GNG4: variants seen among roughly 807,000 people sequenced by gnomAD.
GNG4 encodes G protein subunit gamma 4.
A neutral mutation model predicts 5.8 loss-of-function variants in GNG4; 4 were observed. That is an observed-to-expected ratio of 0.69 (90% CI 0.34 to 1.57). The LOEUF is 1.57. Ranked by LOEUF, GNG4 falls within the 40% of genes most tolerant of loss-of-function variation. GNG4 has a pLI of 0.06. For missense variants in GNG4, 96 were observed against 95.1 expected, an observed-to-expected ratio of 1.01 and a Z score of -0.04; for synonymous variants, 29 against 32.9, an observed-to-expected ratio of 0.88 and a Z score of 0.41.
chr1:235,642,491 G>T lies in GNG4; in HGVS notation c.-123+7171C>A, dbSNP rs1657362114. Among the ~76,000 whole-genome samples the T allele has an allele frequency of 6.6e-6, 1 of 152,136 alleles. No individual in the cohort carries two copies. Among genetic ancestry groups the T allele is most frequent in the African/African-American group, 2.4e-5 (1 of 41,424 alleles). On this transcript the variant is annotated intron_variant, in intron 1 of 3. Coordinates refer to ENST00000391854, the MANE Select transcript of GNG4 (RefSeq NM_001098722.2). The surrounding 1 kb of genome is among the most constrained non-coding windows in gnomAD (Gnocchi z 4.3). Reference sequence around the variant, plus strand: ...AATCCGTAAGCATCAGAGGGACAAAGAAATCATAAACAAGAGGCAGGATGC... The same window carrying T: ...AATCCGTAAGCATCAGAGGGACAAATAAATCATAAACAAGAGGCAGGATGC...
At chr1:235,565,277 G>A in intron 3 of GNG4, among the ~76,000 whole-genome samples, 1 of 152,026 alleles carries the variant, frequency 6.6e-6, no homozygotes, top group Non-Finnish European at 1.5e-5. Flanking sequence ...GAGGTGGGCG[G>A]ATCACCTGAG....
intron 3 of GNG4, among the ~76,000 whole-genome samples, chr1:235,571,536 T>C (rs1223403721): frequency 6.6e-6 from 1 of 152,164 alleles, no homozygotes; most frequent in Non-Finnish European, 1.5e-5. Flanking sequence ...TGAATGGTGT[T>C]TGGGGGGAGA....
At chr1:235,557,402 G>A (rs181131846) in intron 3 of GNG4, among the ~76,000 whole-genome samples, 3 of 152,134 alleles carry the variant, frequency 2.0e-5, no homozygotes, top group South Asian at 2.1e-4. Context: ...AGGTCATTTC[G>A]TTTAACCTAG....
At position 235,551,937 on chromosome 1, in the gene GNG4, A is replaced by C. The variant is rs541881716; in HGVS notation, c.*172T>G. The C allele has an allele frequency of 1.9e-6, 1 of 524,536 alleles. No individual in the cohort carries two copies. Among genetic ancestry groups the C allele is most frequent in the South Asian group, 3.2e-5 (1 of 30,816 alleles). The allele number at this position is 524,536 out of a possible 1,614,324, so 32.5% of individuals were successfully genotyped here. On this transcript the variant is annotated 3_prime_UTR_variant, in exon 4 of 4. Transcript: ENST00000391854. ...AAATAACATGAAAATGAAAAGGAAAAAAATGAAATTGAATGCCACGAAGAA... is the reference window on the plus strand; with the variant it reads ...AAATAACATGAAAATGAAAAGGAAACAAATGAAATTGAATGCCACGAAGAA...
At chr1:235,630,729 C>T (rs1688915294) in intron 1 of GNG4, among the ~76,000 whole-genome samples, 1 of 152,160 alleles carries the variant, frequency 6.6e-6, no homozygotes. Flanking sequence ...GGAAGAGGAA[C>T]TCTGAAATAC....
intron 1 of GNG4, among the ~76,000 whole-genome samples, chr1:235,596,206 AAAT>A (rs879741901): frequency 0.31 from 36,415 of 117,508 alleles, 6,080 homozygotes; most frequent in Non-Finnish European, 0.39. Context: ...CAAACAAACA[AAAT>A]ACACACACAC....
intron 1 of GNG4, among the ~76,000 whole-genome samples, chr1:235,639,027 G>A (rs1258646431): frequency 2.0e-5 from 3 of 152,080 alleles, no homozygotes; most frequent in Non-Finnish European, 2.9e-5. Flanking sequence ...ACCCAGTAAC[G>A]GGCCCTCCTG....
chr1:235,563,045 G>A (rs575483090), intron 3 of GNG4, among the ~76,000 whole-genome samples: 3 of 152,218 alleles, frequency 2.0e-5, no homozygotes, highest in Admixed American at 1.3e-4. Context: ...TGTTTCTGCT[G>A]TCTTATTTTG....
At chr1:235,582,605 T>C (rs887354115) in intron 3 of GNG4, among the ~76,000 whole-genome samples, 1 of 152,216 alleles carries the variant, frequency 6.6e-6, no homozygotes, top group Admixed American at 6.5e-5. Flanking sequence ...TTGAAACCCC[T>C]TTCTATGCTA....
intron 2 of GNG4, among the ~76,000 whole-genome samples, chr1:235,589,225 C>T (rs1646453530): frequency 6.6e-6 from 1 of 152,218 alleles, no homozygotes; most frequent in South Asian, 2.1e-4. Context: ...TGACACTGTA[C>T]AGGCATGCTG....
At chr1:235,585,663 T>C (rs1203386947) in intron 2 of GNG4, among the ~76,000 whole-genome samples, 3 of 152,220 alleles carry the variant, frequency 2.0e-5, no homozygotes, top group Non-Finnish European at 2.9e-5. Context: ...TGTGTGGATA[T>C]ACTGTATATT....
At chr1:235,554,505 A>G (rs1686839762) in intron 3 of GNG4, among the ~76,000 whole-genome samples, 2 of 152,148 alleles carry the variant, frequency 1.3e-5, no homozygotes, top group African/African-American at 4.8e-5. Context: ...TGGGTTTGCT[A>G]AGTCTAGGCC....
intron 3 of GNG4, chr1:235,565,832 A>G (rs908179236): frequency 1.3e-5 from 2 of 152,236 alleles, no homozygotes; most frequent in Non-Finnish European, 2.9e-5. Context: ...TATGGAGTTC[A>G]TCATCAGCCT....
At chr1:235,579,891 C>A (rs59227941) in intron 3 of GNG4, among the ~76,000 whole-genome samples, 2,382 of 137,950 alleles carry the variant, frequency 0.017, 69 homozygotes, top group African/African-American at 0.062. Context: ...TAGAGTTACC[C>A]TATGATCCAG....
intron 2 of GNG4, among the ~76,000 whole-genome samples, chr1:235,593,836 G>A (rs899306206): frequency 2.0e-5 from 3 of 152,302 alleles, no homozygotes; most frequent in Non-Finnish European, 2.9e-5. Flanking sequence ...GAGTGTTACA[G>A]CTCATAAAGG....
intron 3 of GNG4, among the ~76,000 whole-genome samples, chr1:235,561,103 G>C (rs1324416885): frequency 6.6e-6 from 1 of 152,094 alleles, no homozygotes; most frequent in Non-Finnish European, 1.5e-5. Flanking sequence ...TCCACCTCAC[G>C]GGTTCAAGAC....
chr1:235,587,659 T>TGGGGGTGA (rs1313327427), intron 2 of GNG4, among the ~76,000 whole-genome samples: 1 of 82,264 alleles, frequency 1.2e-5, no homozygotes, highest in South Asian at 5.2e-4. Flanking sequence ...GGGTGTTGGG[T>TGGGGGTGA]GTGTGTGTGA....
chr1:235,575,088 G>A (rs2102932985), intron 3 of GNG4, among the ~76,000 whole-genome samples: 1 of 152,328 alleles, frequency 6.6e-6, no homozygotes, highest in Middle Eastern at 3.4e-3. Flanking sequence ...GACTCCCAAA[G>A]TGGTGGAGTT....
chr1:235,645,797 CAAAAA>C (rs6143682), intron 1 of GNG4, among the ~76,000 whole-genome samples: 9 of 90,384 alleles, frequency 1.0e-4, no homozygotes, highest in South Asian at 1.0e-3. Context: ...AACTCAGTCT[CAAAAA>C]AAAAAAAAAA....
Sources: allele counts gnomAD v4.1 joint callset (sites outside exome capture counted in the v4.1 genomes callset), GRCh38; gene constraint gnomAD v4.1.1; non-coding constraint Gnocchi (gnomAD v3.1); transcripts MANE v1.5; gene names NCBI Gene and HGNC (gene_info 2026-07-23, HGNC 2026-07-21).